Variants in PARD3B observed in about 807,000 individuals in gnomAD.
PARD3B encodes partitioning defective 3 homolog B.
PARD3B carries 103 observed loss-of-function variants against 130.2 expected under a neutral mutation model. The ratio of observed to expected loss-of-function variants is 0.79; its 90% CI spans 0.67 to 0.93. The LOEUF (loss-of-function observed/expected upper bound fraction) is 0.93. Among genes scored for constraint, PARD3B ranks in the 40% least tolerant of loss-of-function variants. The probability of loss-of-function intolerance (pLI) is 0.00; values close to 1 mark genes in which losing one functional copy is unlikely to be tolerated. For missense variants in PARD3B, 1,609 were observed against 1,499.2 expected (o/e 1.07, Z -1.21); for synonymous variants, 583 against 553.2 (o/e 1.05, Z -0.76).
intron 12 of PARD3B, among the ~76,000 whole-genome samples, chr2:205,172,995 T>C (rs1004476527): frequency 2.0e-5 from 3 of 152,050 alleles, no homozygotes; most frequent in African/African-American, 7.2e-5. Context: ...ATTATACATA[T>C]AAACATAAAA....
Position 204,623,792 on chromosome 2 carries a change from A to G in PARD3B, c.121-62389A>G, listed in dbSNP as rs1206403054. On this transcript the variant is annotated intron_variant, in intron 1 of 22. Transcript: ENST00000406610. This position sits in a 1 kb window ranked among gnomAD's most constrained non-coding sequence, Gnocchi z 4.5. ...TTGCATAAATGAAGAATTTATACCC[A>G]TTGAATAGCAACTGCTTATTTCTCC... 6.6e-6 allele frequency among the ~76,000 whole-genome samples: 1 copy of G among 152,148 alleles called. No individual in the cohort carries two copies. The highest frequency in any genetic ancestry group is 1.5e-5 in the Non-Finnish European group (1 of 68,022).
rs984539916 is a variant in PARD3B, at chr2:205,128,722, A to G, written c.1434+2985A>G. ...CCATTTCTGTAGTAGTGTAAACACA[A>G]TTCTATACTCTAGATATATTATGGG... On this transcript the variant is annotated intron_variant, in intron 10 of 22. Coordinates refer to ENST00000406610, the MANE Select transcript of PARD3B (RefSeq NM_001302769.2). This position sits in a 1 kb window ranked among gnomAD's most constrained non-coding sequence, Gnocchi z 4.5. 7.2e-5 allele frequency among the ~76,000 whole-genome samples: 11 copies of G among 152,338 alleles called. No individual in the cohort carries two copies. Among genetic ancestry groups the G allele is most frequent in the Admixed American group, 2.0e-4 (3 of 15,306 alleles).
At chr2:204,676,032 G>C (rs548565342) in intron 1 of PARD3B, among the ~76,000 whole-genome samples, 1 of 151,376 alleles carries the variant, frequency 6.6e-6, no homozygotes, top group Non-Finnish European at 1.5e-5. Context: ...GCCTATTCTC[G>C]GTGGTCTCTG....
At chr2:204,919,946 T>C (rs980881819) in intron 2 of PARD3B, among the ~76,000 whole-genome samples, 46 of 152,054 alleles carry the variant, frequency 3.0e-4, no homozygotes, top group African/African-American at 1.1e-3. Context: ...TTTCTAAAAG[T>C]CTTCCATTTA....
chr2:205,312,895 C>T (rs2042438335), intron 18 of PARD3B, among the ~76,000 whole-genome samples: 1 of 152,090 alleles, frequency 6.6e-6, no homozygotes, highest in South Asian at 2.1e-4. Context: ...AATGGAATTG[C>T]AAAGTAGAGA....
chr2:204,729,944 T>A (rs2125336338), intron 2 of PARD3B, among the ~76,000 whole-genome samples: 1 of 152,092 alleles, frequency 6.6e-6, no homozygotes. Context: ...TTTTTGTATC[T>A]TTATGTAAAG....
intron 2 of PARD3B, among the ~76,000 whole-genome samples, chr2:204,728,670 T>C (rs930849572): frequency 3.9e-5 from 6 of 152,236 alleles, no homozygotes; most frequent in Non-Finnish European, 8.8e-5. Flanking sequence ...AAATTGTTAC[T>C]GTCTTCCCTA....
At position 205,176,765 on chromosome 2, in the gene PARD3B, G is replaced by T. The variant is rs2035497384; in HGVS notation, c.1924+188G>T. ...TCAGAACTTGTGAATCAGATTCCTG[G>T]CAATGTCTCTAGTTTAAGTGACACT... On this transcript the variant is annotated intron_variant, in intron 13 of 22. Transcript: ENST00000406610. The surrounding 1 kb of genome is among the most constrained non-coding windows in gnomAD (Gnocchi z 5.3). Among the ~76,000 whole-genome samples, 1 of 152,062 alleles carries T rather than the reference G, an allele frequency of 6.6e-6. No homozygotes were observed. Among genetic ancestry groups the T allele is most frequent in the Non-Finnish European group, 1.5e-5 (1 of 68,006 alleles).
At chr2:205,238,103 C>T (rs779826655) in intron 15 of PARD3B, among the ~76,000 whole-genome samples, 9 of 152,096 alleles carry the variant, frequency 5.9e-5, no homozygotes, top group Admixed American at 3.3e-4. Context: ...TTACACATGC[C>T]GCATTCACTC....
intron 15 of PARD3B, among the ~76,000 whole-genome samples, chr2:205,206,331 G>A (rs1262348829): frequency 6.7e-6 from 1 of 149,752 alleles, no homozygotes; most frequent in Non-Finnish European, 1.5e-5. Context: ...TCGTCATCTA[G>A]CATTAGGTAT....
intron 1 of PARD3B, among the ~76,000 whole-genome samples, chr2:204,549,233 C>T (rs992122621): frequency 2.0e-5 from 3 of 152,224 alleles, no homozygotes; most frequent in East Asian, 3.9e-4. Context: ...TTGATGAACT[C>T]CATTGGAAAC....
chr2:205,404,623 A>G (rs1457548554), intron 19 of PARD3B, among the ~76,000 whole-genome samples: 1 of 152,092 alleles, frequency 6.6e-6, no homozygotes, highest in Non-Finnish European at 1.5e-5. Context: ...ACGATAAACT[A>G]TTTACCTTCC....
intron 2 of PARD3B, among the ~76,000 whole-genome samples, chr2:204,810,081 T>C (rs1313088064): frequency 1.5e-5 from 2 of 134,302 alleles, no homozygotes; most frequent in Non-Finnish European, 3.0e-5. Flanking sequence ...TTTTTTAACA[T>C]TGATTTTTTT....
intron 4 of PARD3B, among the ~76,000 whole-genome samples, chr2:205,059,166 G>A (rs1699914571): frequency 6.6e-6 from 1 of 151,936 alleles, no homozygotes; most frequent in Non-Finnish European, 1.5e-5. Flanking sequence ...AGTTTCCCCA[G>A]CATCATTTGT....
At chr2:205,065,597 G>A (rs879826081) in intron 4 of PARD3B, among the ~76,000 whole-genome samples, 1 of 152,094 alleles carries the variant, frequency 6.6e-6, no homozygotes, top group Non-Finnish European at 1.5e-5. Context: ...GAATCATGGG[G>A]GTGGATTCCT....
chr2:205,200,438 A>G (rs1003860482), intron 15 of PARD3B, among the ~76,000 whole-genome samples: 1 of 152,224 alleles, frequency 6.6e-6, no homozygotes, highest in Non-Finnish European at 1.5e-5. Context: ...CCTTAAAGTC[A>G]AAGAAGAGTA....
chr2:204,713,918 C>G (rs967249335), intron 2 of PARD3B, among the ~76,000 whole-genome samples: 1 of 152,044 alleles, frequency 6.6e-6, no homozygotes. Flanking sequence ...TTGGAAAGGT[C>G]TAGATGGTAG....
chr2:204,834,332 G>T (rs536884374), intron 2 of PARD3B, among the ~76,000 whole-genome samples: 18 of 152,244 alleles, frequency 1.2e-4, no homozygotes, highest in African/African-American at 4.3e-4. Context: ...AATATATATT[G>T]GTGTTTGGAT....
At chr2:205,118,259 A>G (rs1575838158) in intron 6 of PARD3B, among the ~76,000 whole-genome samples, 1 of 152,130 alleles carries the variant, frequency 6.6e-6, no homozygotes, top group South Asian at 2.1e-4. Context: ...TGAAGGCTCT[A>G]GGCTTGTTAA....
Sources: gnomAD v4.1 joint callset for allele counts (sites outside exome capture counted in the v4.1 genomes callset) on GRCh38, gnomAD v4.1.1 for gene constraint, Gnocchi (gnomAD v3.1) non-coding constraint, MANE v1.5 for transcripts, NCBI Gene and HGNC (gene_info 2026-07-23, HGNC 2026-07-21) for gene names.